USP47: variants seen among roughly 807,000 people sequenced by gnomAD.
The protein encoded by USP47 is ubiquitin specific peptidase 47.
USP47 carries 35 observed loss-of-function variants against 165.1 expected under a neutral mutation model. That is an observed-to-expected ratio of 0.21 (90% confidence interval 0.16 to 0.28). The LOEUF (loss-of-function observed/expected upper bound fraction) is 0.28. Among genes scored for constraint, USP47 ranks in the 10% least tolerant of loss-of-function variants. USP47 has a pLI of 1.00. For synonymous variants in USP47, 531 were observed against 544.5 expected (o/e 0.98, Z 0.35); for missense variants, 1,277 against 1,607.4 (o/e 0.79, Z 3.52).
At chr11:11,854,823 G>T (rs1183941757) in intron 1 of USP47, among the ~76,000 whole-genome samples, 1 of 147,226 alleles carries the variant, frequency 6.8e-6, no homozygotes, top group East Asian at 2.0e-4. Flanking sequence ...GCCGGGTGTG[G>T]TGGCTCACGC....
intron 17 of USP47, among the ~76,000 whole-genome samples, chr11:11,936,765 T>A (rs901724265): frequency 4.6e-5 from 7 of 151,948 alleles, no homozygotes; most frequent in African/African-American, 1.7e-4. Flanking sequence ...AGTGGGTTTT[T>A]TCTTCTCCAG....
intron 5 of USP47, 62 bp from the exon 6 acceptor site, chr11:11,902,653 A>C: frequency 8.5e-7 from 1 of 1,175,836 alleles, no homozygotes; most frequent in Admixed American, 3.3e-5. Flanking sequence ...TTTTGATATT[A>C]ATTATGCTTT....
At chr11:11,924,267 A>G (rs1590389261) in intron 11 of USP47, among the ~76,000 whole-genome samples, 1 of 152,158 alleles carries the variant, frequency 6.6e-6, no homozygotes, top group Non-Finnish European at 1.5e-5. Context: ...CCTGAATTAC[A>G]TAGATTGATT....
At position 11,936,445 on chromosome 11, in the gene USP47, A is replaced by G. The variant is rs2134731784; in HGVS notation, c.2012A>G (p.Tyr671Cys). The G allele has an allele frequency of 6.2e-7, 1 of 1,609,488 alleles. No homozygotes were observed. The highest frequency in any genetic ancestry group is 8.5e-7 in the Non-Finnish European group (1 of 1,176,920). ...GLLLGGVKST[Y>C]MFDLLLETRK... is the part of the protein sequence containing the mutation. ...CTACTAGGTGGCGTCAAGTCAACAT[A>G]TATGTTTGATCTGCTGTTGGAGACG... is the stretch of plus-strand genomic sequence containing the variant. The change falls in exon 17 of 28, where the codon TAT becomes TGT. Residue 671 changes from tyrosine to cysteine, a missense_variant. This residue lies in a region of USP47 where 909 missense variants were observed against 1,068.1 expected (regional missense o/e 0.85). Coordinates refer to ENST00000527733, the MANE Select transcript of USP47 (RefSeq NM_001282659.2).
chr11:11,943,299 A>G (rs1027493176), intron 20 of USP47, 187 bp downstream of exon 20: 14 of 477,506 alleles, frequency 2.9e-5, no homozygotes, highest in Non-Finnish European at 3.9e-5. Context: ...GATGGTAATT[A>G]TATCAGAACT....
intron 23 of USP47, 97 bp from the exon 24 acceptor site, chr11:11,950,267 G>T: frequency 2.3e-6 from 2 of 851,258 alleles, no homozygotes; most frequent in South Asian, 3.7e-5. Flanking sequence ...TTTTGTATTT[G>T]AACATAGTTC....
chr11:11,845,769 G>A (rs1848393085), intron 1 of USP47, among the ~76,000 whole-genome samples: 1 of 152,126 alleles, frequency 6.6e-6, no homozygotes, highest in Non-Finnish European at 1.5e-5. Context: ...GCCAACTTTT[G>A]CTTTAATACA....
intron 3 of USP47, chr11:11,884,792 C>T (rs1851048807): frequency 4.6e-6 from 2 of 432,018 alleles, no homozygotes; most frequent in Admixed American, 4.1e-5. Context: ...CAGTCTGTTG[C>T]CGCCTTGGAT....
At chr11:11,892,351 A>G (rs1296236603) in intron 4 of USP47, among the ~76,000 whole-genome samples, 1 of 150,958 alleles carries the variant, frequency 6.6e-6, no homozygotes, top group African/African-American at 2.4e-5. Flanking sequence ...TATGTTTTTA[A>G]GGAAGACTTT....
At chr11:11,842,387 G>A (rs1848176509) in intron 1 of USP47, among the ~76,000 whole-genome samples, 163 bp downstream of exon 1, 1 of 152,002 alleles carries the variant, frequency 6.6e-6, no homozygotes, top group Non-Finnish European at 1.5e-5. Context: ...GCGGCGAGCA[G>A]TTGGGAGACC....
intron 4 of USP47, among the ~76,000 whole-genome samples, chr11:11,897,040 G>C (rs1851891968): frequency 6.6e-6 from 1 of 150,592 alleles, no homozygotes; most frequent in Non-Finnish European, 1.5e-5. Context: ...AAGTCACTCT[G>C]CATTACTTAG....
chr11:11,861,296 A>G (rs1849368542), intron 1 of USP47, among the ~76,000 whole-genome samples: 1 of 152,046 alleles, frequency 6.6e-6, no homozygotes, highest in Non-Finnish European at 1.5e-5. Context: ...GGGTTTCACC[A>G]TGTTGGCTAG....
At chr11:11,876,851 C>T (rs564552843) in intron 1 of USP47, among the ~76,000 whole-genome samples, 1 of 152,086 alleles carries the variant, frequency 6.6e-6, no homozygotes, top group African/African-American at 2.4e-5. Context: ...ACACACACAG[C>T]GTGACTTCTG....
At chr11:11,946,377 C>T (rs1189825206) in intron 20 of USP47, among the ~76,000 whole-genome samples, 2 of 152,180 alleles carry the variant, frequency 1.3e-5, no homozygotes, top group Admixed American at 1.3e-4. Flanking sequence ...AACCAGCAAA[C>T]ATTTTTGTCT....
chr11:11,843,205 T>C (rs770047052), intron 1 of USP47, among the ~76,000 whole-genome samples: 1 of 152,238 alleles, frequency 6.6e-6, no homozygotes, highest in Non-Finnish European at 1.5e-5. Flanking sequence ...TTTTTGTGCC[T>C]GTTTTACTTG....
chr11:11,868,187 A>G (rs1440181582), intron 1 of USP47, among the ~76,000 whole-genome samples: 1 of 152,204 alleles, frequency 6.6e-6, no homozygotes, highest in Non-Finnish European at 1.5e-5. Context: ...ACTATAATAC[A>G]CTATCAGAAC....
intron 11 of USP47, among the ~76,000 whole-genome samples, chr11:11,925,790 G>A (rs1407139917): frequency 6.6e-6 from 1 of 152,052 alleles, no homozygotes; most frequent in Non-Finnish European, 1.5e-5. Flanking sequence ...GAACAGAAGT[G>A]GTAAGAATGG....
intron 16 of USP47, 33 bp from the exon 17 acceptor site, chr11:11,936,270 A>AT (rs1390889484): frequency 1.6e-6 from 2 of 1,271,772 alleles, no homozygotes; most frequent in African/African-American, 1.5e-5. Flanking sequence ...ATGTATATAT[A>AT]TTTTTTCTTT....
chr11:11,903,540 C>CCT (rs1203356710), intron 7 of USP47, among the ~76,000 whole-genome samples, 198 bp downstream of exon 7: 1 of 152,112 alleles, frequency 6.6e-6, no homozygotes, highest in Non-Finnish European at 1.5e-5. Context: ...CCACCCTAGA[C>CCT]CTCAGTTTTC....
Sources: allele counts gnomAD v4.1 joint callset (sites outside exome capture counted in the v4.1 genomes callset), GRCh38; gene constraint gnomAD v4.1.1; regional missense constraint gnomAD v4.1.1; transcripts MANE v1.5; gene names NCBI Gene and HGNC (gene_info 2026-07-23, HGNC 2026-07-21).